BRDT: variants seen among roughly 807,000 people sequenced by gnomAD.
The protein encoded by BRDT is bromodomain testis associated, also known as bromodomain testis-specific protein.
Under a neutral mutation model 113.9 loss-of-function variants are expected in BRDT, and 77 were observed. The ratio of observed to expected loss-of-function variants is 0.68; its 90% CI spans 0.56 to 0.82. The LOEUF is 0.82. Among genes scored for constraint, BRDT ranks in the 40% least tolerant of loss-of-function variants. BRDT has a pLI of 0.00. For synonymous variants in BRDT, 358 were observed against 366.5 expected (o/e 0.98, Z 0.26); for missense variants, 1,027 against 1,105.4 (o/e 0.93, Z 1.01).
intron 7 of BRDT, 70 bp downstream of exon 7, chr1:91,978,366 A>G: frequency 6.5e-7 from 1 of 1,549,958 alleles, no homozygotes; most frequent in Non-Finnish European, 8.8e-7. Context: ...TAGAACCATA[A>G]TGTAAGAGAT....
intron 3 of BRDT, among the ~76,000 whole-genome samples, chr1:91,967,650 G>A (rs1683208800): frequency 6.6e-6 from 1 of 151,836 alleles, no homozygotes; most frequent in Non-Finnish European, 1.5e-5. Flanking sequence ...CGCCCGCTTC[G>A]GCCTCCCAAA....
chr1:91,990,176 C>G (rs188545528), intron 12 of BRDT, among the ~76,000 whole-genome samples: 1 of 152,118 alleles, frequency 6.6e-6, no homozygotes, highest in Admixed American at 6.5e-5. Flanking sequence ...CCACTAGAAC[C>G]GTGTTGGAGA....
Position 91,976,317 on chromosome 1 carries a change from G to A in BRDT, c.497G>A (p.Ser166Asn). The change falls in exon 5 of 19, where the codon AGC becomes AAC. Residue 166 changes from serine (S) to asparagine (N), a missense_variant. Transcript: ENST00000399546. ...VSSAKEKSSP[S>N]ATEKVFKQQE... ...TCTGCTAAAGAAAAATCATCACCCA[G>A]CGCAACAGAAAAAGTATTTAAGCAG... 2 of 1,611,912 alleles carry A rather than the reference G, an allele frequency of 1.2e-6. No homozygotes were observed. The highest frequency in any genetic ancestry group is 1.3e-5 in the African/African-American group (1 of 74,798).
At chr1:91,999,836 AAC>A (rs1164134216) in intron 15 of BRDT, among the ~76,000 whole-genome samples, 1 of 152,194 alleles carries the variant, frequency 6.6e-6, no homozygotes, top group Non-Finnish European at 1.5e-5. Flanking sequence ...AGGCATTCCA[AAC>A]ACAGCCATGT....
At chr1:91,959,005 T>C (rs1471354575) in intron 1 of BRDT, among the ~76,000 whole-genome samples, 2 of 151,828 alleles carry the variant, frequency 1.3e-5, no homozygotes, top group Non-Finnish European at 2.9e-5. Context: ...GCCAAGATCA[T>C]ACTGTTGCAC....
intron 4 of BRDT, 112 bp downstream of exon 4, chr1:91,968,372 A>G: frequency 7.2e-7 from 1 of 1,382,328 alleles, no homozygotes; most frequent in Non-Finnish European, 9.6e-7. Flanking sequence ...CCTACATCCT[A>G]TTCTATTAAT....
chr1:91,980,607 G>T, intron 8 of BRDT, 36 bp from the exon 9 acceptor site: 2 of 1,367,290 alleles, frequency 1.5e-6, no homozygotes, highest in South Asian at 2.2e-5. Flanking sequence ...ATTATTTAGA[G>T]ACATGAATGT....
In BRDT at chr1:91,962,711, T is replaced by C. The variant is rs535480538; in HGVS notation, c.-37-7T>C. 6.8e-7 allele frequency: 1 copy of C among 1,474,724 alleles called. No homozygotes were observed. Among genetic ancestry groups the C allele is most frequent in the Admixed American group, 2.4e-5 (1 of 41,826 alleles). 91.4% of individuals were successfully genotyped at this position (1,474,724 alleles called of 1,614,324 possible). On this transcript the variant is annotated splice_polypyrimidine_tract_variant and splice_region_variant and intron_variant, in intron 1 of 18. Coordinates refer to ENST00000399546, the MANE Select transcript of BRDT (RefSeq NM_207189.4). ...TGCTTCTGAAGTACTCAGTTTTTGT[T>C]TTTCAGGACATGTACTTGTAGACAG...
In BRDT at chr1:91,964,690, A is replaced by C; in HGVS notation, c.256A>C (p.Lys86Gln). ...TACAATTAAGAAGCGCTTGGAGAATAAATATTATGCGAAGGCTTCAGAATG... is the reference window on the plus strand; with the variant it reads ...TACAATTAAGAAGCGCTTGGAGAATCAATATTATGCGAAGGCTTCAGAATG... ...LNTIKKRLENKYYAKASECIE... is the reference protein window; with the variant it reads ...LNTIKKRLENQYYAKASECIE... The change falls in exon 3 of 19, where the codon AAA becomes CAA. Residue 86 changes from lysine (K) to glutamine (Q), a missense_variant. By Grantham distance (53) the Lys-to-Gln change is moderately conservative. Transcript: ENST00000399546. The C allele has an allele frequency of 6.6e-7, 1 of 1,522,418 alleles. No homozygotes were observed. Among genetic ancestry groups the C allele is most frequent in the Non-Finnish European group, 9.0e-7 (1 of 1,111,404 alleles). 94.3% of individuals were successfully genotyped at this position (1,522,418 alleles called of 1,614,324 possible).
At chr1:92,013,018 G>A (rs975966429) in intron 18 of BRDT, among the ~76,000 whole-genome samples, 19 of 151,844 alleles carry the variant, frequency 1.3e-4, no homozygotes, top group African/African-American at 3.6e-4. Flanking sequence ...TCAGGAGTTC[G>A]ACGCCAGCCT....
At chr1:91,991,352 G>A in intron 13 of BRDT, 107 bp downstream of exon 13, 1 of 516,664 alleles carries the variant, frequency 1.9e-6, no homozygotes, top group Non-Finnish European at 3.1e-6. Context: ...CACGAAGAAA[G>A]TTGTCACTGT....
At chr1:91,981,881 T>A in intron 12 of BRDT, 126 bp downstream of exon 12, 1 of 1,225,292 alleles carries the variant, frequency 8.2e-7, no homozygotes, top group Non-Finnish European at 1.1e-6. Flanking sequence ...ATGCTAATTA[T>A]TTAATTGCAT....
chr1:91,971,161 G>A lies in BRDT; in HGVS notation c.445+2901G>A, dbSNP rs61779129. ...ACCAGCTCTTCTGTGAACTCATAGA[G>A]TGAGCACTCCTTCATTACGTCAAGG... On this transcript the variant is annotated intron_variant, in intron 4 of 18. Transcript: ENST00000399546. Among the ~76,000 whole-genome samples the A allele has an allele frequency of 3.8e-3, 573 of 152,084 alleles. 3 individuals are homozygous for A. The highest frequency in any genetic ancestry group is 6.1e-3 in the Admixed American group (93 of 15,258).
Position 91,977,115 on chromosome 1 carries a change from T to A in BRDT, c.691T>A (p.Phe231Ile). ...TTCAGCAGTTAAAGCAAGTAGTGAA[T>A]TTTCTCCAACATTCACAGAAAAATC... ...ATSAVKASSE[F>I]SPTFTEKSVA... Residue 231 changes from phenylalanine to isoleucine, a missense_variant, in exon 6 of 19, where the codon TTT becomes ATT. Phe to Ile is a conservative substitution (Grantham distance 21). Coordinates refer to ENST00000399546, the MANE Select transcript of BRDT (RefSeq NM_207189.4). The A allele has an allele frequency of 1.9e-6, 3 of 1,613,758 alleles. No homozygotes were observed. The highest frequency in any genetic ancestry group is 2.5e-6 in the Non-Finnish European group (3 of 1,179,922).
At chr1:91,995,288 G>GT (rs1686191352) in intron 15 of BRDT, among the ~76,000 whole-genome samples, 1 of 152,076 alleles carries the variant, frequency 6.6e-6, no homozygotes, top group Non-Finnish European at 1.5e-5. Context: ...AAGGGCAGAG[G>GT]TATCTCCCTA....
Position 91,980,685 on chromosome 1 carries a change from C to T in BRDT, c.1330C>T (p.Pro444Ser). ...HQQLQVLSQV[P>S]FRKLNKKKEK... ...ACAGCTCCAGGTTTTGTCCCAAGTA[C>T]CTTTCCGTAAGCTAAATAAAAAGAA... is the stretch of plus-strand genomic sequence containing the variant. Residue 444 changes from proline (P) to serine (S), a missense_variant, in exon 9 of 19, where the codon CCT (proline) becomes TCT (serine). By Grantham distance (74) the Pro-to-Ser change is moderately conservative. Transcript: ENST00000399546. 1 of 1,599,506 alleles carries T rather than the reference C, an allele frequency of 6.3e-7. No individual in the cohort carries two copies. Among genetic ancestry groups the T allele is most frequent in the Non-Finnish European group, 8.5e-7 (1 of 1,176,764 alleles).
rs779095063 is a variant in BRDT at position 91,981,155 on chromosome 1, G to C, written c.1727G>C (p.Arg576Thr). 2 of 1,610,566 alleles carry C rather than the reference G, an allele frequency of 1.2e-6. No individual in the cohort carries two copies. Among genetic ancestry groups the C allele is most frequent in the Non-Finnish European group, 1.7e-6 (2 of 1,179,076 alleles). ...ELEKYVSACL[R>T]KRPLKPPAKK... ...GAAAAATATGTTTCGGCATGTCTAA[G>C]AAAGAGACCATTAAAACCTCCTGGT... Residue 576 changes from arginine (R) to threonine (T), a missense_variant, in exon 10 of 19, where the codon AGA becomes ACA. Transcript: ENST00000399546.
intron 12 of BRDT, among the ~76,000 whole-genome samples, chr1:91,990,487 C>T (rs1216248375): frequency 6.6e-6 from 1 of 152,080 alleles, no homozygotes; most frequent in Non-Finnish European, 1.5e-5. Context: ...TTTATGGCTA[C>T]TTGGTAAAAG....
intron 6 of BRDT, 146 bp from the exon 7 acceptor site, chr1:91,978,021 CA>C: frequency 1.2e-6 from 1 of 822,482 alleles, no homozygotes; most frequent in African/African-American, 1.7e-5. Flanking sequence ...ACAAATGTAG[CA>C]AAATTTTAAC....
Sources: allele counts gnomAD v4.1 joint callset (sites outside exome capture counted in the v4.1 genomes callset), GRCh38; gene constraint gnomAD v4.1.1; transcripts MANE v1.5; gene names NCBI Gene and HGNC (gene_info 2026-07-23, HGNC 2026-07-21).